Variants in CLUL1 observed in about 807,000 individuals in gnomAD.
CLUL1 encodes clusterin-like protein 1.
A neutral mutation model predicts 49.4 loss-of-function variants in CLUL1; 43 were observed. The ratio of observed to expected loss-of-function variants is 0.87; its 90% CI spans 0.68 to 1.12. The LOEUF (loss-of-function observed/expected upper bound fraction) is 1.12. Among genes scored for constraint, CLUL1 ranks in the 50% most tolerant of loss-of-function variants. CLUL1 has a pLI of 0.00. For missense variants in CLUL1, 486 were observed against 544.4 expected (o/e 0.89, Z 1.07); for synonymous variants, 192 against 184.9 (o/e 1.04, Z -0.31).
rs768891061 is a variant in CLUL1 at position 627,466 on chromosome 18, A to G, written c.793A>G (p.Ser265Gly). 10 of 1,613,564 alleles carry G rather than the reference A, an allele frequency of 6.2e-6. No homozygotes were observed. The East Asian group carries it at 2.0e-4, about 32-fold the overall frequency. ...TAATTTCAGTGTCTCTATTTATGAA[A>G]GTGTCAGTGAAACAATTACTAAGAT... ...FCNFSVSIYE[S>G]VSETITKMLK... The change falls in exon 6 of 10, where the codon AGT becomes GGT. Residue 265 changes from serine to glycine, a missense_variant. Transcript: ENST00000692774.
intron 8 of CLUL1, among the ~76,000 whole-genome samples, chr18:642,218 G>A (rs947666509): frequency 1.3e-5 from 2 of 152,108 alleles, no homozygotes; most frequent in Non-Finnish European, 2.9e-5. Context: ...ATCACTTGAG[G>A]TCAGGAGTTT....
At chr18:646,136 A>G (rs1260154975) in intron 9 of CLUL1, among the ~76,000 whole-genome samples, 4 of 151,838 alleles carry the variant, frequency 2.6e-5, no homozygotes, top group African/African-American at 4.8e-5. Flanking sequence ...CGACTCCATC[A>G]TCACACTGCA....
At chr18:647,040 C>T (rs1468754015) in intron 9 of CLUL1, among the ~76,000 whole-genome samples, 1 of 152,106 alleles carries the variant, frequency 6.6e-6, no homozygotes, top group East Asian at 1.9e-4. Context: ...CATGAGCCAC[C>T]ACACTGGCCT....
Position 641,315 on chromosome 18 carries a change from C to A in CLUL1, c.995-12C>A. The A allele has an allele frequency of 1.2e-6, 2 of 1,612,458 alleles. No individual in the cohort carries two copies. The highest frequency in any genetic ancestry group is 2.2e-5 in the South Asian group (2 of 90,826). On this transcript the variant is annotated splice_polypyrimidine_tract_variant and intron_variant, in intron 7 of 9. Transcript: ENST00000692774. ...ACTTTTTCCTTCTCCACATTACTTTCTTCTCTGCTAGACTGTCCTGATGTA... is the reference window on the plus strand; with the variant it reads ...ACTTTTTCCTTCTCCACATTACTTTATTCTCTGCTAGACTGTCCTGATGTA...
chr18:601,200 T>G (rs1234902091), intron 1 of CLUL1, among the ~76,000 whole-genome samples: 1 of 152,216 alleles, frequency 6.6e-6, no homozygotes, highest in East Asian at 1.9e-4. Context: ...GTTTTCATGC[T>G]TTGTATCTTG....
At chr18:645,131 G>A in intron 9 of CLUL1, 34 bp downstream of exon 9, 1 of 1,470,690 alleles carries the variant, frequency 6.8e-7, no homozygotes. Context: ...ATGCCTTGTT[G>A]ACAGGAATAG....
chr18:639,279 AT>A (rs1007129989), intron 7 of CLUL1, among the ~76,000 whole-genome samples: 8 of 151,360 alleles, frequency 5.3e-5, no homozygotes, highest in African/African-American at 7.3e-5. Flanking sequence ...ACAAAAAAAA[AT>A]ATTAGCTGGT....
chr18:642,361 G>A (rs1000040792), intron 8 of CLUL1, among the ~76,000 whole-genome samples: 1 of 152,172 alleles, frequency 6.6e-6, no homozygotes, highest in Non-Finnish European at 1.5e-5. Context: ...GAACCCGGAA[G>A]GCAGAGGTTG....
chr18:648,801 T>C (rs1259237568), intron 9 of CLUL1, among the ~76,000 whole-genome samples: 1 of 151,988 alleles, frequency 6.6e-6, no homozygotes, highest in Non-Finnish European at 1.5e-5. Flanking sequence ...GGATTACAGG[T>C]GTGCACCACC....
intron 4 of CLUL1, among the ~76,000 whole-genome samples, chr18:619,616 G>A (rs533658221): frequency 6.6e-6 from 1 of 152,164 alleles, no homozygotes; most frequent in South Asian, 2.1e-4. Context: ...CTCAAAAATA[G>A]ATTATTCTTG....
intron 9 of CLUL1, among the ~76,000 whole-genome samples, chr18:646,861 T>C (rs1482087110): frequency 2.6e-5 from 4 of 151,964 alleles, no homozygotes; most frequent in African/African-American, 9.7e-5. Context: ...ATGATTCTTG[T>C]GCCTCAGCCT....
intron 2 of CLUL1, among the ~76,000 whole-genome samples, chr18:607,532 C>G (rs771761277): frequency 1.3e-5 from 2 of 152,258 alleles, no homozygotes; most frequent in South Asian, 2.1e-4. Flanking sequence ...CTCCTGGGTT[C>G]GAGTGAGCCT....
intron 4 of CLUL1, among the ~76,000 whole-genome samples, chr18:623,782 T>C (rs1477789202): frequency 6.6e-6 from 1 of 151,514 alleles, no homozygotes; most frequent in Non-Finnish European, 1.5e-5. Context: ...ACGTGGATCA[T>C]ACCAAATGCT....
chr18:633,825 TCGG>T (rs2074060777), intron 7 of CLUL1, among the ~76,000 whole-genome samples: 2 of 115,550 alleles, frequency 1.7e-5, no homozygotes, highest in Admixed American at 8.2e-5. Flanking sequence ...GAGCGTGTAA[TCGG>T]AATGAATCAG....
rs1387338552 is a variant in CLUL1, at chr18:625,525, A to G, written c.423+493A>G. ...GCTTGCCTCCTTATGCATAACACAC[A>G]CACACACACACACACACACACACAC... On this transcript the variant is annotated intron_variant, in intron 5 of 9. Coordinates refer to ENST00000692774, the MANE Select transcript of CLUL1 (RefSeq NM_001393344.1). Among the ~76,000 whole-genome samples, 60 of 21,034 alleles carry G rather than the reference A, an allele frequency of 2.9e-3. 1 individual carries two copies. Among genetic ancestry groups the G allele is most frequent in the Non-Finnish European group, 1.0e-2 (42 of 4,210 alleles). The allele number at this position is 21,034 out of a possible 152,430, so 13.8% of individuals were successfully genotyped here.
At chr18:631,591 T>C (rs537459081) in intron 6 of CLUL1, among the ~76,000 whole-genome samples, 6 of 152,160 alleles carry the variant, frequency 3.9e-5, no homozygotes, top group Non-Finnish European at 5.9e-5. Flanking sequence ...TAGTGTCATA[T>C]GGGCCTAGAA....
chr18:631,936 G>A (rs1177011397), intron 6 of CLUL1, among the ~76,000 whole-genome samples: 3 of 152,174 alleles, frequency 2.0e-5, no homozygotes, highest in African/African-American at 7.2e-5. Context: ...GAAAGCAGCT[G>A]GGAGAAACTG....
intron 1 of CLUL1, among the ~76,000 whole-genome samples, chr18:604,475 G>C (rs1415607036): frequency 6.6e-6 from 1 of 152,172 alleles, no homozygotes; most frequent in African/African-American, 2.4e-5. Flanking sequence ...GTAGTAAAAA[G>C]TAACCCTCAA....
In CLUL1 at chr18:633,445, T is replaced by A. The variant is rs765744783; in HGVS notation, c.994+10T>A. ...GCTCACCTATCTGAAGGTAAATAAT[T>A]GCTATTTTGTTTTTTATTCTACTTT... On this transcript the variant is annotated intron_variant, in intron 7 of 9. Coordinates refer to ENST00000692774, the MANE Select transcript of CLUL1 (RefSeq NM_001393344.1). 98 of 1,608,330 alleles carry A rather than the reference T, an allele frequency of 6.1e-5. No homozygotes were observed. The highest frequency in any genetic ancestry group is 7.9e-5 in the Non-Finnish European group (93 of 1,176,324).
Sources: allele counts gnomAD v4.1 joint callset (sites outside exome capture counted in the v4.1 genomes callset), GRCh38; gene constraint gnomAD v4.1.1; transcripts MANE v1.5; gene names NCBI Gene and HGNC (gene_info 2026-07-23, HGNC 2026-07-21).